C15orf40: variants seen among roughly 807,000 people sequenced by gnomAD.
The protein encoded by C15orf40 is chromosome 15 open reading frame 40, also known as UPF0235 protein C15orf40.
C15orf40 carries 9 observed loss-of-function variants against 13.9 expected under a neutral mutation model. The observed-to-expected ratio is 0.65, with a 90% confidence interval of 0.39 to 1.13. The LOEUF (loss-of-function observed/expected upper bound fraction) is 1.13. Among genes scored for constraint, C15orf40 ranks in the 50% most tolerant of loss-of-function variants. The pLI is 0.01. For synonymous variants in C15orf40, 95 were observed against 69.2 expected (o/e 1.37, Z -1.85); for missense variants, 225 against 188.5 (o/e 1.19, Z -1.13).
chr15:82,994,165 C>T (rs2151273804), downstream of C15orf40, among the ~76,000 whole-genome samples: 1 of 152,144 alleles, frequency 6.6e-6, no homozygotes, highest in African/African-American at 2.4e-5. Context: ...GTATTTTATT[C>T]ACCTAAAGAA....
chr15:83,009,895 A>G (rs2031898948), intron 2 of C15orf40, among the ~76,000 whole-genome samples: 1 of 152,212 alleles, frequency 6.6e-6, no homozygotes, highest in South Asian at 2.1e-4. Context: ...AAACTACACT[A>G]AAATGTCTCT....
In C15orf40 at chr15:83,005,667, A is replaced by G. The variant is rs377331328; in HGVS notation, c.392T>C (p.Val131Ala). ...TGGAGTTGTAGAAGCCAAAAGCTTC[A>G]CCACCTTTTCACGAGATTTACCACC... ...DKGGKSREKV[V>A]KLLASTTPEE... Residue 131 changes from valine (V) to alanine (A), a missense_variant, in exon 4 of 4, where the codon GTG becomes GCG. By Grantham distance (64) the Val-to-Ala change is moderately conservative. Transcript: ENST00000304177. The G allele has an allele frequency of 1.5e-5, 24 of 1,611,802 alleles. No homozygotes were observed. The African/African-American group carries it at 2.8e-4, about 19-fold the overall frequency.
At chr15:83,006,558 G>C (rs190862580) in intron 3 of C15orf40, 2 of 737,326 alleles carry the variant, frequency 2.7e-6, no homozygotes, top group Non-Finnish European at 3.3e-6. Flanking sequence ...TCAGGAGTTC[G>C]AGACCAGCCT....
At chr15:82,991,214 C>T (rs1309820722), downstream of C15orf40, among the ~76,000 whole-genome samples, 3 of 151,986 alleles carry the variant, frequency 2.0e-5, no homozygotes, top group East Asian at 5.8e-4. Flanking sequence ...AGGCACCTTC[C>T]TGACTTTATT....
chr15:83,006,947 A>T (rs1426505041), intron 3 of C15orf40, among the ~76,000 whole-genome samples: 1 of 152,252 alleles, frequency 6.6e-6, no homozygotes, highest in Non-Finnish European at 1.5e-5. Context: ...GGTGGGGAGC[A>T]TTCAAATGGA....
rs2031294925 is a variant in C15orf40 at position 82,999,159 on chromosome 15, AGAGGGTGAGGGAGAGG to A, written c.*6422_*6437del. 1 of 59,290 alleles carries A rather than the reference AGAGGGTGAGGGAGAGG, an allele frequency of 1.7e-5. No individual in the cohort carries two copies. Among genetic ancestry groups the A allele is most frequent in the Non-Finnish European group, 3.1e-5 (1 of 32,624 alleles). The allele number at this position is 59,290 out of a possible 1,614,324, so 3.7% of individuals were successfully genotyped here. A position where few individuals can be genotyped will look rare whatever the true frequency, so the allele number is the denominator to read the frequency against. The stretch of plus-strand genomic sequence containing the variant: ...TCAGAGGGAGACCGTGGGGAGAGGG[AGAGGGTGAGGGAGAGG>A]GGGAGGGGGAGGGGGAGGGGGCTCA... On this transcript the variant is annotated 3_prime_UTR_variant, in exon 4 of 4. Coordinates refer to ENST00000304177, the MANE Select transcript of C15orf40 (RefSeq NM_144597.3).
At chr15:83,009,618 C>T (rs1382758080) in intron 2 of C15orf40, among the ~76,000 whole-genome samples, 6 of 152,088 alleles carry the variant, frequency 3.9e-5, no homozygotes, top group Non-Finnish European at 7.3e-5. Context: ...TCCAGAATCC[C>T]AATATGTAAA....
Position 82,995,007 on chromosome 15 carries a change from A to G in C15orf40, c.*10590T>C, listed in dbSNP as rs1224698200. On this transcript the variant is annotated 3_prime_UTR_variant, in exon 4 of 4. Coordinates refer to ENST00000304177, the MANE Select transcript of C15orf40 (RefSeq NM_144597.3). Reference sequence around the variant, plus strand: ...GATATGACATAATATCTAAACAAAGATTTCTCCTGACATCTGCTGTATTAA... The same window carrying G: ...GATATGACATAATATCTAAACAAAGGTTTCTCCTGACATCTGCTGTATTAA... The G allele has an allele frequency of 2.0e-5, 3 of 152,214 alleles. No individual in the cohort carries two copies. In the East Asian group the frequency reaches 5.8e-4, roughly 29 times the overall value. The allele number at this position is 152,214 out of a possible 1,614,324, so 9.4% of individuals were successfully genotyped here.
At chr15:82,990,899 CA>C, downstream of C15orf40, 1 of 426,222 alleles carries the variant, frequency 2.3e-6, no homozygotes, top group Admixed American at 3.8e-5. Context: ...ATGTTATATT[CA>C]CTTCCAGATG....
chr15:83,005,586 A>G lies in C15orf40; in HGVS notation c.*11T>C, dbSNP rs749500639. The G allele has an allele frequency of 6.2e-6, 10 of 1,602,408 alleles. 2 individuals are homozygous for G. In the South Asian group the frequency reaches 1.1e-4, roughly 18 times the overall value. On this transcript the variant is annotated 3_prime_UTR_variant, in exon 4 of 4. Transcript: ENST00000304177. ...GGCATGAGCCACTGCGCCCGGCCTC[A>G]TTTCTTGCTTTTATGTTTTTTTGGC...
downstream of C15orf40, chr15:82,990,013 C>T (rs2030792852): frequency 6.3e-7 from 1 of 1,577,888 alleles, no homozygotes; most frequent in Non-Finnish European, 8.7e-7. Context: ...CTTACTATCC[C>T]CAGCAATATG....
chr15:83,010,800 CA>C (rs1171888588), intron 1 of C15orf40: 1 of 163,748 alleles, frequency 6.1e-6, no homozygotes, highest in African/African-American at 2.4e-5. Flanking sequence ...TGTTATGGGA[CA>C]GGGGCTGTGC....
Position 83,004,361 on chromosome 15 carries a change from G to A in C15orf40, c.*1236C>T. The A allele has an allele frequency of 1.0e-6, 1 of 985,280 alleles. No individual in the cohort carries two copies. The highest frequency in any genetic ancestry group is 1.2e-6 in the Non-Finnish European group (1 of 829,860). 61.0% of individuals were successfully genotyped at this position (985,280 alleles called of 1,614,324 possible). ...ATCAATACATCTTTCTCATGTACTT[G>A]CTGGACAAAGCGCACAACTGCAGAT... On this transcript the variant is annotated 3_prime_UTR_variant, in exon 4 of 4. Coordinates refer to ENST00000304177, the MANE Select transcript of C15orf40 (RefSeq NM_144597.3).
rs1415197400 is a variant in C15orf40 at position 83,000,375 on chromosome 15, A to G, written c.*5222T>C. 1 of 152,290 alleles carries G rather than the reference A, an allele frequency of 6.6e-6. No homozygotes were observed. The highest frequency in any genetic ancestry group is 2.4e-5 in the African/African-American group (1 of 41,442). 9.4% of individuals were successfully genotyped at this position (152,290 alleles called of 1,614,324 possible). ...AACTCAAGACCATGCTGACTCCACC[A>G]TGGCAATGGGCTGAGACTCTCACGA... On this transcript the variant is annotated 3_prime_UTR_variant, in exon 4 of 4. Coordinates refer to ENST00000304177, the MANE Select transcript of C15orf40 (RefSeq NM_144597.3).
intron 3 of C15orf40, chr15:83,008,123 G>A (rs1366979297): frequency 5.8e-6 from 1 of 172,138 alleles, no homozygotes; most frequent in Non-Finnish European, 1.2e-5. Context: ...ATCCAGGAGT[G>A]AGAGGTAGCA....
downstream of C15orf40, chr15:82,989,964 G>A (rs1307896711): frequency 2.5e-6 from 4 of 1,609,336 alleles, no homozygotes; most frequent in South Asian, 1.1e-5. Flanking sequence ...TGGCATGGAC[G>A]ATCCTGGGGT....
intron 3 of C15orf40, among the ~76,000 whole-genome samples, chr15:83,006,013 C>T (rs1019545686): frequency 1.3e-5 from 2 of 151,814 alleles, no homozygotes; most frequent in African/African-American, 2.4e-5. Context: ...GGGTAGATCA[C>T]GAGGTCAGGA....
In C15orf40 at chr15:83,004,975, G is replaced by A. The variant is rs1414356698; in HGVS notation, c.*622C>T. ...ATCTTGAGTAAGTCTCTCAACTTCTGGATATAGGAAATCAAAGGCCCCCCA... is the reference window on the plus strand; with the variant it reads ...ATCTTGAGTAAGTCTCTCAACTTCTAGATATAGGAAATCAAAGGCCCCCCA... On this transcript the variant is annotated 3_prime_UTR_variant, in exon 4 of 4. Coordinates refer to ENST00000304177, the MANE Select transcript of C15orf40 (RefSeq NM_144597.3). 5 of 1,277,386 alleles carry A rather than the reference G, an allele frequency of 3.9e-6. No homozygotes were observed. Among genetic ancestry groups the A allele is most frequent in the Non-Finnish European group, 5.2e-6 (5 of 966,952 alleles). The allele number at this position is 1,277,386 out of a possible 1,614,324, so 79.1% of individuals were successfully genotyped here.
Position 83,005,285 on chromosome 15 carries a change from A to C in C15orf40, c.*312T>G, listed in dbSNP as rs1001789701. 20 of 1,001,890 alleles carry C rather than the reference A, an allele frequency of 2.0e-5. No individual in the cohort carries two copies. Among genetic ancestry groups the C allele is most frequent in the East Asian group, 1.0e-4 (1 of 9,848 alleles). 62.1% of individuals were successfully genotyped at this position (1,001,890 alleles called of 1,614,324 possible). ...AAAGTTTCTCAAGGATGTATTTTTT[A>C]TTTCTTTTTTTTCGGGGGGAGAGAG... is the stretch of plus-strand genomic sequence containing the variant. On this transcript the variant is annotated 3_prime_UTR_variant, in exon 4 of 4. Transcript: ENST00000304177.
Sources: allele counts gnomAD v4.1 joint callset (sites outside exome capture counted in the v4.1 genomes callset), GRCh38; gene constraint gnomAD v4.1.1; transcripts MANE v1.5; gene names NCBI Gene and HGNC (gene_info 2026-07-23, HGNC 2026-07-21).